RPS6KA5: variants seen among roughly 807,000 people sequenced by gnomAD.
The protein encoded by RPS6KA5 is ribosomal protein S6 kinase alpha-5.
In RPS6KA5, 27 loss-of-function variants were observed where a neutral mutation model predicts 85.5. The observed-to-expected ratio is 0.32, with a 90% CI of 0.23 to 0.44. RPS6KA5 has a LOEUF of 0.44. RPS6KA5 is among the 20% of genes least tolerant of loss of function. RPS6KA5 has a pLI of 1.00. For synonymous variants in RPS6KA5, 334 were observed against 348.2 expected (o/e 0.96, Z 0.46); for missense variants, 811 against 980.9 (o/e 0.83, Z 2.31).
intron 4 of RPS6KA5, among the ~76,000 whole-genome samples, chr14:90,945,495 T>C (rs2037826221): frequency 6.6e-6 from 1 of 152,230 alleles, no homozygotes; most frequent in South Asian, 2.1e-4. Context: ...ACATCCATTT[T>C]TGCCTCTTCC....
intron 1 of RPS6KA5, among the ~76,000 whole-genome samples, chr14:91,034,042 A>G (rs990551593): frequency 1.3e-5 from 2 of 152,142 alleles, no homozygotes; most frequent in African/African-American, 2.4e-5. Flanking sequence ...GCAGTGGTTC[A>G]TGCCTGTATT....
chr14:90,978,629 AG>A (rs1268425425), intron 2 of RPS6KA5, 105 bp from the exon 3 acceptor site: 1 of 793,608 alleles, frequency 1.3e-6, no homozygotes, highest in African/African-American at 1.7e-5. Flanking sequence ...CACTCTTTAA[AG>A]GAAAAAGTAC....
chr14:90,856,054 G>T lies in RPS6KA5; in HGVS notation c.*16020C>A, dbSNP rs1362735177. 5 of 152,186 alleles carry T rather than the reference G, an allele frequency of 3.3e-5. No individual in the cohort carries two copies. The South Asian group carries it at 6.2e-4, about 19-fold the overall frequency. The allele number at this position is 152,186 out of a possible 1,614,324, so 9.4% of individuals were successfully genotyped here. ...CAAAGATACAAGTAATGATAAGCTG[G>T]ATATGATCACCATGGAAACATACAG... On this transcript the variant is annotated 3_prime_UTR_variant, in exon 17 of 17. Coordinates refer to ENST00000614987, the MANE Select transcript of RPS6KA5 (RefSeq NM_004755.4).
chr14:91,009,538 T>C (rs911616583), intron 1 of RPS6KA5, among the ~76,000 whole-genome samples: 4 of 152,214 alleles, frequency 2.6e-5, no homozygotes, highest in African/African-American at 7.2e-5. Flanking sequence ...GCATGATGCC[T>C]GGCCATGTCT....
chr14:90,898,379 C>A (rs1180988081), intron 12 of RPS6KA5, among the ~76,000 whole-genome samples: 1 of 152,162 alleles, frequency 6.6e-6, no homozygotes, highest in East Asian at 1.9e-4. Context: ...CCTGGTCTCA[C>A]CATGATGTAT....
chr14:90,964,269 C>CT (rs1292280629), intron 3 of RPS6KA5, among the ~76,000 whole-genome samples: 1 of 152,024 alleles, frequency 6.6e-6, no homozygotes, highest in Admixed American at 6.6e-5. Flanking sequence ...CCTTGGGCGC[C>CT]TTTTTTTATT....
At chr14:90,953,178 A>T (rs777841954) in intron 3 of RPS6KA5, among the ~76,000 whole-genome samples, 1 of 152,230 alleles carries the variant, frequency 6.6e-6, no homozygotes. Flanking sequence ...TGAAGATTTC[A>T]TTTTAATATG....
intron 5 of RPS6KA5, among the ~76,000 whole-genome samples, chr14:90,938,811 T>C (rs143519724): frequency 6.6e-6 from 1 of 152,130 alleles, no homozygotes; most frequent in African/African-American, 2.4e-5. Context: ...CAGAAAACCA[T>C]TTTTTCCTCC....
intron 13 of RPS6KA5, 166 bp downstream of exon 13, chr14:90,894,245 CTG>C: frequency 8.0e-7 from 1 of 1,243,030 alleles, no homozygotes; most frequent in African/African-American, 1.5e-5. Context: ...TTATTTTAGA[CTG>C]AAATATAAAA....
At chr14:91,038,886 A>G (rs2042498245) in intron 1 of RPS6KA5, among the ~76,000 whole-genome samples, 1 of 152,196 alleles carries the variant, frequency 6.6e-6, no homozygotes, top group South Asian at 2.1e-4. Context: ...TTTCACCCTT[A>G]TGATTAAATC....
intron 2 of RPS6KA5, among the ~76,000 whole-genome samples, chr14:90,982,351 C>A (rs1260312071): frequency 6.6e-6 from 1 of 151,310 alleles, no homozygotes; most frequent in African/African-American, 2.4e-5. Context: ...AATGCCAATA[C>A]TTTGGGGGTC....
chr14:91,055,027 G>A (rs1174509229), intron 1 of RPS6KA5, among the ~76,000 whole-genome samples: 1 of 152,110 alleles, frequency 6.6e-6, no homozygotes, highest in Non-Finnish European at 1.5e-5. Context: ...GTATACAAAT[G>A]GCCAATAAGC....
intron 12 of RPS6KA5, among the ~76,000 whole-genome samples, chr14:90,894,992 T>G (rs2140209448): frequency 6.6e-6 from 1 of 152,314 alleles, no homozygotes; most frequent in African/African-American, 2.4e-5. Flanking sequence ...TTCTTTCATT[T>G]GAATTCCACT....
chr14:91,004,138 T>G (rs2040903938), intron 1 of RPS6KA5, among the ~76,000 whole-genome samples: 1 of 152,220 alleles, frequency 6.6e-6, no homozygotes, highest in Non-Finnish European at 1.5e-5. Context: ...CAGGCTGGAG[T>G]GCAGTGGCGC....
At position 90,865,444 on chromosome 14, in the gene RPS6KA5, A is replaced by G. The variant is rs2032761844; in HGVS notation, c.*6630T>C. On this transcript the variant is annotated 3_prime_UTR_variant, in exon 17 of 17. Transcript: ENST00000614987. ...TAGACTGGATAATTCCATGTATAGG[A>G]ATGTCAACAACAGTGACAGAGGTCA... The G allele has an allele frequency of 6.6e-6, 1 of 152,256 alleles. No homozygotes were observed. Among genetic ancestry groups the G allele is most frequent in the Admixed American group, 6.5e-5 (1 of 15,290 alleles). 9.4% of individuals were successfully genotyped at this position (152,256 alleles called of 1,614,324 possible).
intron 3 of RPS6KA5, among the ~76,000 whole-genome samples, chr14:90,964,914 C>CA (rs10713991): frequency 0.088 from 6,159 of 69,970 alleles, 521 homozygotes; most frequent in African/African-American, 0.23. Context: ...GACCCTGTCT[C>CA]AAAAAAAAAA....
At chr14:90,896,410 T>C (rs777785158) in intron 12 of RPS6KA5, among the ~76,000 whole-genome samples, 1 of 152,240 alleles carries the variant, frequency 6.6e-6, no homozygotes, top group Non-Finnish European at 1.5e-5. Context: ...GTGGTAGAGC[T>C]TGAATGATGG....
In RPS6KA5 at chr14:90,848,720, T is replaced by C. The variant is rs2031837216; in HGVS notation, c.*23354A>G. ...CTCATTACATGCCAGCTGAGTGACT[T>C]GCAAAGGTTTGCCCCAGAAGGGCTT... On this transcript the variant is annotated 3_prime_UTR_variant, in exon 17 of 17. Coordinates refer to ENST00000614987, the MANE Select transcript of RPS6KA5 (RefSeq NM_004755.4). 6.6e-6 allele frequency: 1 copy of C among 152,204 alleles called. No homozygotes were observed. The highest frequency in any genetic ancestry group is 2.4e-5 in the African/African-American group (1 of 41,450). 9.4% of individuals were successfully genotyped at this position (152,204 alleles called of 1,614,324 possible).
At chr14:90,971,394 C>T (rs755268703) in intron 3 of RPS6KA5, among the ~76,000 whole-genome samples, 1 of 152,136 alleles carries the variant, frequency 6.6e-6, no homozygotes, top group Admixed American at 6.5e-5. Context: ...TTAAGGCTTG[C>T]AAAGCCTAAA....
Sources: gnomAD v4.1 joint callset for allele counts (sites outside exome capture counted in the v4.1 genomes callset) on GRCh38, gnomAD v4.1.1 for gene constraint, MANE v1.5 for transcripts, NCBI Gene and HGNC (gene_info 2026-07-23, HGNC 2026-07-21) for gene names.